The following CDC5L variants were observed in gnomAD, a reference collection of about 807,000 sequenced individuals.
CDC5L encodes the protein cell division cycle 5-like protein.
CDC5L carries 18 observed loss-of-function variants against 104.1 expected under a neutral mutation model. The ratio of observed to expected loss-of-function variants is 0.17; its 90% CI spans 0.12 to 0.26. The LOEUF (loss-of-function observed/expected upper bound fraction) is 0.26. Among genes scored for constraint, CDC5L ranks in the 10% least tolerant of loss-of-function variants. CDC5L has a pLI of 1.00. For synonymous variants in CDC5L, 331 were observed against 322.7 expected, an observed-to-expected ratio of 1.03 and a Z score of -0.28; for missense variants, 673 against 956.9, an observed-to-expected ratio of 0.70 and a Z score of 3.91.
At chr6:44,397,655 C>T (rs1790931308) in intron 5 of CDC5L, among the ~76,000 whole-genome samples, 1 of 152,154 alleles carries the variant, frequency 6.6e-6, no homozygotes. Flanking sequence ...GTATGACTGC[C>T]AATTAGTTAC....
chr6:44,416,435 G>A (rs976255188), intron 8 of CDC5L, among the ~76,000 whole-genome samples: 1 of 152,174 alleles, frequency 6.6e-6, no homozygotes, highest in Non-Finnish European at 1.5e-5. Flanking sequence ...ATATGGAGCA[G>A]TGGGGTGCAA....
chr6:44,439,449 G>A (rs1581662075), intron 14 of CDC5L, among the ~76,000 whole-genome samples: 1 of 152,226 alleles, frequency 6.6e-6, no homozygotes, highest in Non-Finnish European at 1.5e-5. Context: ...GGGAAGCACC[G>A]CGAGTCCATG....
chr6:44,415,880 T>G (rs1581651972), intron 8 of CDC5L, among the ~76,000 whole-genome samples: 2 of 152,320 alleles, frequency 1.3e-5, no homozygotes, highest in East Asian at 3.9e-4. Flanking sequence ...AAAATGATTA[T>G]GATTGGTTGA....
chr6:44,448,300 T>C lies in CDC5L; in HGVS notation c.*1589T>C, dbSNP rs1325401007. ...ACCTCGTTGTATAGAGCCACATAAA[T>C]AAGGCTATAATAAGGAATTTGGATC... is the stretch of plus-strand genomic sequence containing the variant. On this transcript the variant is annotated 3_prime_UTR_variant, in exon 16 of 16. Transcript: ENST00000371477. 2 of 152,188 alleles carry C rather than the reference T, an allele frequency of 1.3e-5. No homozygotes were observed. Among genetic ancestry groups the C allele is most frequent in the African/African-American group, 4.8e-5 (2 of 41,460 alleles). The allele number at this position is 152,188 out of a possible 1,614,324, so 9.4% of individuals were successfully genotyped here. A position where few individuals can be genotyped will look rare whatever the true frequency, so the allele number is the denominator to read the frequency against.
intron 14 of CDC5L, among the ~76,000 whole-genome samples, chr6:44,444,283 G>C (rs940950470): frequency 2.6e-5 from 4 of 152,202 alleles, no homozygotes; most frequent in Non-Finnish European, 2.9e-5. Flanking sequence ...TGCTGGAAGT[G>C]GGCTTGTAGT....
chr6:44,421,124 T>C (rs1792150804), intron 9 of CDC5L, among the ~76,000 whole-genome samples: 1 of 152,224 alleles, frequency 6.6e-6, no homozygotes, highest in Non-Finnish European at 1.5e-5. Context: ...ACTTAGATTC[T>C]AAGATCGTTA....
intron 14 of CDC5L, among the ~76,000 whole-genome samples, chr6:44,432,284 G>T (rs1186865075): frequency 6.6e-6 from 1 of 152,104 alleles, no homozygotes; most frequent in Non-Finnish European, 1.5e-5. Context: ...AAAGTTTGTT[G>T]TGGGGAAGGA....
chr6:44,405,766 G>A (rs892839105), intron 6 of CDC5L, among the ~76,000 whole-genome samples: 1 of 151,978 alleles, frequency 6.6e-6, no homozygotes, highest in Non-Finnish European at 1.5e-5. Flanking sequence ...ATACTTACAT[G>A]TTTTAATATT....
rs542700252 is a variant in CDC5L at position 44,448,982 on chromosome 6, A to G, written c.*2271A>G. ...TTCTCATTTGATGTTTTGATGAGGT[A>G]TATTAATAGATTTTCCCACATTAAA... On this transcript the variant is annotated 3_prime_UTR_variant, in exon 16 of 16. Transcript: ENST00000371477. The G allele has an allele frequency of 6.6e-6, 1 of 152,224 alleles. No homozygotes were observed. Among genetic ancestry groups the G allele is most frequent in the Non-Finnish European group, 1.5e-5 (1 of 68,028 alleles). The allele number at this position is 152,224 out of a possible 1,614,324, so 9.4% of individuals were successfully genotyped here. A position where few individuals can be genotyped will look rare whatever the true frequency, so the allele number is the denominator to read the frequency against.
intron 8 of CDC5L, among the ~76,000 whole-genome samples, chr6:44,414,674 GAT>G (rs1791831791): frequency 6.6e-6 from 1 of 151,812 alleles, no homozygotes; most frequent in Non-Finnish European, 1.5e-5. Flanking sequence ...GTATATTCTG[GAT>G]ATAAGTTCCT....
chr6:44,400,889 C>T (rs866665936), intron 5 of CDC5L, among the ~76,000 whole-genome samples: 1 of 152,312 alleles, frequency 6.6e-6, no homozygotes. Flanking sequence ...AGTTGCACTA[C>T]AAAGTGATCC....
At chr6:44,429,409 C>T (rs1057113229) in intron 13 of CDC5L, among the ~76,000 whole-genome samples, 2 of 152,098 alleles carry the variant, frequency 1.3e-5, no homozygotes, top group African/African-American at 4.8e-5. Context: ...AACTTTTAAA[C>T]CTAGTTTCTC....
chr6:44,442,895 A>G (rs982535022), intron 14 of CDC5L, among the ~76,000 whole-genome samples: 2 of 152,134 alleles, frequency 1.3e-5, no homozygotes, highest in African/African-American at 4.8e-5. Context: ...TCCTTTTAGC[A>G]TTTCCTGTAA....
intron 14 of CDC5L, 112 bp from the exon 15 acceptor site, chr6:44,445,543 A>G (rs990842626): frequency 3.4e-5 from 22 of 654,188 alleles, no homozygotes; most frequent in Non-Finnish European, 5.4e-5. Flanking sequence ...AAGGAGTTCT[A>G]GTGTATTTTT....
intron 6 of CDC5L, among the ~76,000 whole-genome samples, 168 bp downstream of exon 6, chr6:44,404,195 A>G (rs1422630054): frequency 2.6e-5 from 4 of 151,854 alleles, no homozygotes; most frequent in Admixed American, 1.3e-4. Flanking sequence ...CCCAGGCTGG[A>G]GTACAGTGGC....
At position 44,403,887 on chromosome 6, in the gene CDC5L, A is replaced by T; in HGVS notation, c.618A>T (p.Arg206Ser). The T allele has an allele frequency of 3.7e-6, 6 of 1,613,678 alleles. No individual in the cohort carries two copies. Among genetic ancestry groups the T allele is most frequent in the Non-Finnish European group, 5.1e-6 (6 of 1,179,794 alleles). The stretch of plus-strand genomic sequence containing the variant: ...TTCAGAAGAAAAGAAAAAGGAAGAG[A>T]GGAGTTGATTATAATGCCGAAATCC... Reference protein sequence around the residue: ...IEIQKKRKRKRGVDYNAEIPF... With the variant: ...IEIQKKRKRKSGVDYNAEIPF... Residue 206 changes from arginine (R) to serine (S), a missense_variant, in exon 6 of 16, where the codon AGA becomes AGT. By Grantham distance (110) the Arg-to-Ser change is moderately radical. Coordinates refer to ENST00000371477, the MANE Select transcript of CDC5L (RefSeq NM_001253.4).
At chr6:44,425,626 T>C (rs780937823) in intron 11 of CDC5L, among the ~76,000 whole-genome samples, 28 of 152,158 alleles carry the variant, frequency 1.8e-4, no homozygotes, top group Non-Finnish European at 3.8e-4. Context: ...ATGATACTTT[T>C]TGTGTTTAGT....
intron 15 of CDC5L, 116 bp from the exon 16 acceptor site, chr6:44,446,491 T>C (rs1332956203): frequency 1.2e-5 from 6 of 498,390 alleles, no homozygotes; most frequent in Non-Finnish European, 1.8e-5. Context: ...CTTTGAGAAA[T>C]ATTTAACTCT....
At chr6:44,389,489 C>T (rs1790498231) in intron 1 of CDC5L, among the ~76,000 whole-genome samples, 1 of 152,182 alleles carries the variant, frequency 6.6e-6, no homozygotes, top group Non-Finnish European at 1.5e-5. Flanking sequence ...GCATCTATGG[C>T]TCCATTAACT....
Sources: allele counts gnomAD v4.1 joint callset (sites outside exome capture counted in the v4.1 genomes callset), GRCh38; gene constraint gnomAD v4.1.1; transcripts MANE v1.5; gene names NCBI Gene and HGNC (gene_info 2026-07-23, HGNC 2026-07-21).